Variants in MYO3B observed in about 807,000 individuals in gnomAD.
MYO3B encodes the protein myosin IIIB.
MYO3B carries 156 observed loss-of-function variants against 174.6 expected under a neutral mutation model. That is an observed-to-expected ratio of 0.89 (90% CI 0.78 to 1.02). The LOEUF is 1.02. Ranked by LOEUF, MYO3B falls within the 50% of genes least tolerant of loss-of-function variation. The pLI is 0.00. For missense variants in MYO3B, 1,632 were observed against 1,639.4 expected, an observed-to-expected ratio of 1.00 and a Z score of 0.08; for synonymous variants, 563 against 569.1, an observed-to-expected ratio of 0.99 and a Z score of 0.15.
At chr2:170,392,067 G>A (rs965322581) in intron 15 of MYO3B, among the ~76,000 whole-genome samples, 3 of 148,824 alleles carry the variant, frequency 2.0e-5, no homozygotes, top group African/African-American at 5.0e-5. Flanking sequence ...AGGCTGCAGT[G>A]AGCCAAGTTC....
chr2:170,629,721 A>C (rs1238011574), intron 32 of MYO3B, among the ~76,000 whole-genome samples: 1 of 152,160 alleles, frequency 6.6e-6, no homozygotes, highest in Non-Finnish European at 1.5e-5. Flanking sequence ...ATGGTGGCAC[A>C]TGCCTATAAT....
intron 7 of MYO3B, among the ~76,000 whole-genome samples, chr2:170,247,245 G>A (rs1376571786): frequency 6.6e-6 from 1 of 152,174 alleles, no homozygotes; most frequent in East Asian, 1.9e-4. Flanking sequence ...AGTACTTGGG[G>A]ACATTGAGAG....
At chr2:170,536,153 G>C (rs896826393) in intron 30 of MYO3B, among the ~76,000 whole-genome samples, 1 of 152,184 alleles carries the variant, frequency 6.6e-6, no homozygotes. Flanking sequence ...AGACTGTATG[G>C]GCTCACGGTT....
chr2:170,387,697 C>T (rs896186953), intron 14 of MYO3B, among the ~76,000 whole-genome samples: 1 of 151,958 alleles, frequency 6.6e-6, no homozygotes, highest in African/African-American at 2.4e-5. Context: ...ATAGAGAAAA[C>T]AATTATTCTG....
At chr2:170,611,294 T>C (rs1035318199) in intron 32 of MYO3B, among the ~76,000 whole-genome samples, 6 of 152,154 alleles carry the variant, frequency 3.9e-5, no homozygotes, top group Non-Finnish European at 7.3e-5. Flanking sequence ...TAACCCATGA[T>C]TGGGGTAATG....
At chr2:170,423,421 G>A (rs1021270899) in intron 22 of MYO3B, among the ~76,000 whole-genome samples, 4 of 152,114 alleles carry the variant, frequency 2.6e-5, no homozygotes, top group Non-Finnish European at 4.4e-5. Flanking sequence ...CCTTCTTGTT[G>A]ATCCTCCCAA....
At chr2:170,375,480 G>C (rs909119067) in intron 9 of MYO3B, among the ~76,000 whole-genome samples, 1 of 150,216 alleles carries the variant, frequency 6.7e-6, no homozygotes, top group African/African-American at 2.4e-5. Context: ...TCTGTTCTAA[G>C]TATTACTTGG....
intron 21 of MYO3B, 109 bp from the exon 22 acceptor site, chr2:170,407,602 GTAAA>G: frequency 8.3e-6 from 10 of 1,210,078 alleles, no homozygotes; most frequent in Non-Finnish European, 1.1e-5. Context: ...TGAAAGCTAT[GTAAA>G]GATGAGTTCT....
intron 7 of MYO3B, among the ~76,000 whole-genome samples, chr2:170,286,267 A>G (rs2093555719): frequency 6.6e-6 from 1 of 152,186 alleles, no homozygotes; most frequent in African/African-American, 2.4e-5. Context: ...ATTGAACTAT[A>G]TCTGATGTTC....
chr2:170,615,615 G>A (rs1456870379), intron 32 of MYO3B, among the ~76,000 whole-genome samples: 6 of 152,346 alleles, frequency 3.9e-5, no homozygotes, highest in Non-Finnish European at 7.4e-5. Flanking sequence ...GCAAACATTT[G>A]TTATATCACA....
At chr2:170,552,745 A>G (rs1488833452) in intron 32 of MYO3B, among the ~76,000 whole-genome samples, 3 of 152,110 alleles carry the variant, frequency 2.0e-5, no homozygotes, top group Non-Finnish European at 4.4e-5. Flanking sequence ...AAAACAATGG[A>G]AAAAAACTCC....
intron 20 of MYO3B, 129 bp downstream of exon 20, chr2:170,404,529 T>G (rs2094498435): frequency 3.6e-6 from 3 of 833,704 alleles, no homozygotes; most frequent in Non-Finnish European, 5.3e-6. Context: ...AATATAGGCC[T>G]TCTTTTTCAT....
At position 170,405,552 on chromosome 2, in the gene MYO3B, T is replaced by A. The variant is rs768990498; in HGVS notation, c.2439T>A (p.Phe813Leu). Reference protein sequence around the residue: ...QATDQTLVDKFEDNLRCKYFW... With the variant: ...QATDQTLVDKLEDNLRCKYFW... ...ACATAAAAATCCACACAGATAAATT[T>A]GAAGATAATCTACGATGCAAATACT... is the stretch of plus-strand genomic sequence containing the variant. The change falls in exon 21 of 35, where the codon TTT becomes TTA. Residue 813 changes from phenylalanine (F) to leucine (L), a missense_variant. Coordinates refer to ENST00000408978, the MANE Select transcript of MYO3B (RefSeq NM_138995.5). 6.2e-7 allele frequency: 1 copy of A among 1,614,108 alleles called. No homozygotes were observed. Among genetic ancestry groups the A allele is most frequent in the Admixed American group, 1.7e-5 (1 of 60,026 alleles).
At chr2:170,532,400 A>G (rs903973740) in intron 30 of MYO3B, among the ~76,000 whole-genome samples, 2 of 152,198 alleles carry the variant, frequency 1.3e-5, no homozygotes, top group East Asian at 1.9e-4. Flanking sequence ...TCTGAATACA[A>G]TCTGTAGATT....
chr2:170,212,797 G>C (rs1022456284), intron 3 of MYO3B, among the ~76,000 whole-genome samples: 3 of 152,154 alleles, frequency 2.0e-5, no homozygotes, highest in Admixed American at 2.0e-4. Flanking sequence ...CCCAGTGCTC[G>C]TGTCTGGCTC....
At chr2:170,302,007 T>A (rs535161716) in intron 7 of MYO3B, among the ~76,000 whole-genome samples, 1 of 151,924 alleles carries the variant, frequency 6.6e-6, no homozygotes, top group East Asian at 1.9e-4. Flanking sequence ...TGTTTGTGGG[T>A]TTTGGATATT....
At chr2:170,482,213 C>T (rs909921682) in intron 25 of MYO3B, among the ~76,000 whole-genome samples, 29 of 151,320 alleles carry the variant, frequency 1.9e-4, no homozygotes, top group Non-Finnish European at 3.5e-4. Flanking sequence ...TGGAGTGCAG[C>T]GGAGCAATCT....
intron 22 of MYO3B, among the ~76,000 whole-genome samples, chr2:170,437,556 T>G (rs2094763838): frequency 6.6e-6 from 1 of 152,184 alleles, no homozygotes; most frequent in Admixed American, 6.5e-5. Context: ...TTGCTAAGTT[T>G]CATTAGTTTC....
At chr2:170,536,232 A>G (rs1689674349) in intron 30 of MYO3B, among the ~76,000 whole-genome samples, 1 of 152,262 alleles carries the variant, frequency 6.6e-6, no homozygotes, top group African/African-American at 2.4e-5. Flanking sequence ...AGAAATTAGC[A>G]TAAGTGCATA....
Sources: allele counts gnomAD v4.1 joint callset (sites outside exome capture counted in the v4.1 genomes callset), GRCh38; gene constraint gnomAD v4.1.1; transcripts MANE v1.5; gene names NCBI Gene and HGNC (gene_info 2026-07-23, HGNC 2026-07-21).